Variants in ASXL3 observed in about 807,000 individuals in gnomAD.
The protein encoded by ASXL3 is putative Polycomb group protein ASXL3.
ASXL3 carries 34 observed loss-of-function variants against 170.6 expected under a neutral mutation model. The ratio of observed to expected loss-of-function variants is 0.20; its 90% CI spans 0.15 to 0.27. ASXL3 has a LOEUF of 0.27. Among genes scored for constraint, ASXL3 ranks in the 10% least tolerant of loss-of-function variants. ASXL3 has a pLI of 1.00. For synonymous variants in ASXL3, 1,002 were observed against 989.1 expected (o/e 1.01, Z -0.24); for missense variants, 2,592 against 2,695.3 (o/e 0.96, Z 0.85).
In ASXL3 at chr18:33,578,528, G is replaced by A; in HGVS notation, c.-104G>A. On this transcript the variant is annotated 5_prime_UTR_variant, in exon 1 of 12. Transcript: ENST00000269197. ...GCCCGCGCGCCTCCCCCCGCGGAGC[G>A]AGTGCGGGTCACCGGGTCACTGGGT... The A allele has an allele frequency of 3.3e-6, 2 of 609,068 alleles. No homozygotes were observed. The highest frequency in any genetic ancestry group is 4.4e-6 in the Non-Finnish European group (2 of 459,260). The allele number at this position is 609,068 out of a possible 1,614,324, so 37.7% of individuals were successfully genotyped here.
chr18:33,623,323 T>C (rs1391358143), intron 2 of ASXL3, among the ~76,000 whole-genome samples: 1 of 152,160 alleles, frequency 6.6e-6, no homozygotes, highest in African/African-American at 2.4e-5. Flanking sequence ...TGATCTTCTC[T>C]TCCCCATGGT....
At position 33,743,244 on chromosome 18, in the gene ASXL3, G is replaced by T. The variant is rs764233051; in HGVS notation, c.3396G>T (p.Pro1132=). 6.2e-7 allele frequency: 1 copy of T among 1,613,836 alleles called. No homozygotes were observed. Among genetic ancestry groups the T allele is most frequent in the Non-Finnish European group, 8.5e-7 (1 of 1,179,802 alleles). ...QTSKETRLPP[P]LSSKEGPPNL... ...CTAAAGAGACCCGGTTGCCTCCTCCGCTCAGCTCAAAGGAAGGGCCTCCAA... is the reference window on the plus strand; with the variant it reads ...CTAAAGAGACCCGGTTGCCTCCTCCTCTCAGCTCAAAGGAAGGGCCTCCAA... The change falls in exon 12 of 12, where the codon CCG becomes CCT. Residue 1132 remains proline (P), a synonymous_variant. Transcript: ENST00000269197.
chr18:33,678,834 A>G (rs1023185282), intron 7 of ASXL3, among the ~76,000 whole-genome samples: 5 of 152,190 alleles, frequency 3.3e-5, no homozygotes, highest in African/African-American at 1.2e-4. Flanking sequence ...ATGGAATTAA[A>G]CATCCTCTGT....
chr18:33,605,631 CAGGA>C (rs1470878530), intron 1 of ASXL3: 1 of 152,230 alleles, frequency 6.6e-6, no homozygotes, highest in African/African-American at 2.4e-5. Context: ...GGCCTGTACT[CAGGA>C]AGAGAAACAG....
At chr18:33,727,627 T>TA (rs1287946960) in intron 8 of ASXL3, among the ~76,000 whole-genome samples, 2 of 152,188 alleles carry the variant, frequency 1.3e-5, no homozygotes, top group African/African-American at 4.8e-5. Context: ...TATCAATAGT[T>TA]AGATACTTCA....
intron 5 of ASXL3, among the ~76,000 whole-genome samples, chr18:33,664,008 A>G (rs2066218359): frequency 6.6e-6 from 1 of 152,148 alleles, no homozygotes; most frequent in Non-Finnish European, 1.5e-5. Flanking sequence ...TACATGCACA[A>G]TCATAATCAT....
intron 6 of ASXL3, among the ~76,000 whole-genome samples, chr18:33,671,411 C>T (rs185181056): frequency 2.9e-4 from 44 of 152,184 alleles, no homozygotes; most frequent in East Asian, 2.5e-3. Context: ...TTCATCTTTC[C>T]GTGTCTGTCT....
intron 9 of ASXL3, among the ~76,000 whole-genome samples, chr18:33,733,833 C>T (rs1040157952): frequency 6.6e-6 from 1 of 152,126 alleles, no homozygotes; most frequent in Non-Finnish European, 1.5e-5. Flanking sequence ...CAAAATCTAA[C>T]TCAAGAATCA....
chr18:33,615,730 A>G (rs1342315988), intron 2 of ASXL3, among the ~76,000 whole-genome samples: 1 of 152,086 alleles, frequency 6.6e-6, no homozygotes, highest in Non-Finnish European at 1.5e-5. Flanking sequence ...ATGTTTGATG[A>G]TTGTTTGATT....
At chr18:33,643,365 A>G (rs2065874080) in intron 2 of ASXL3, among the ~76,000 whole-genome samples, 1 of 151,844 alleles carries the variant, frequency 6.6e-6, no homozygotes, top group Non-Finnish European at 1.5e-5. Context: ...AGAGAAAATA[A>G]TGAAATGAGG....
At chr18:33,619,137 G>A (rs1352490575) in intron 2 of ASXL3, among the ~76,000 whole-genome samples, 1 of 152,114 alleles carries the variant, frequency 6.6e-6, no homozygotes, top group East Asian at 1.9e-4. Flanking sequence ...AGGCAGATGA[G>A]GGTGAGTAAT....
At chr18:33,694,716 CTG>C (rs2066743742) in intron 8 of ASXL3, among the ~76,000 whole-genome samples, 1 of 152,198 alleles carries the variant, frequency 6.6e-6, no homozygotes, top group East Asian at 1.9e-4. Context: ...TAACTAGTCA[CTG>C]AAGAGTAGGT....
At chr18:33,722,665 G>T (rs192953054) in intron 8 of ASXL3, among the ~76,000 whole-genome samples, 34 of 152,276 alleles carry the variant, frequency 2.2e-4, no homozygotes, top group Admixed American at 2.2e-3. Flanking sequence ...GGCAGTGGCT[G>T]ATGTAGAAGC....
intron 11 of ASXL3, among the ~76,000 whole-genome samples, chr18:33,741,573 C>T (rs1355417384): frequency 5.9e-5 from 9 of 152,132 alleles, no homozygotes; most frequent in Non-Finnish European, 8.8e-5. Flanking sequence ...GAATCTTCTC[C>T]TCAAAACTAT....
At chr18:33,594,992 C>T (rs2065112698) in intron 1 of ASXL3, among the ~76,000 whole-genome samples, 1 of 152,142 alleles carries the variant, frequency 6.6e-6, no homozygotes, top group Non-Finnish European at 1.5e-5. Flanking sequence ...AATATTTATG[C>T]ATGACTCAAA....
chr18:33,594,898 G>C (rs573132863), intron 1 of ASXL3, among the ~76,000 whole-genome samples: 25 of 152,186 alleles, frequency 1.6e-4, no homozygotes, highest in African/African-American at 5.3e-4. Context: ...TCTTGATGCA[G>C]ATATTTTAAT....
At chr18:33,611,435 C>T (rs1362393779) in intron 2 of ASXL3, among the ~76,000 whole-genome samples, 1 of 151,918 alleles carries the variant, frequency 6.6e-6, no homozygotes. Context: ...TCATTTTCTT[C>T]TGGTCCCTCT....
intron 1 of ASXL3, among the ~76,000 whole-genome samples, chr18:33,588,478 T>C (rs1014258406): frequency 1.3e-5 from 2 of 151,870 alleles, no homozygotes; most frequent in African/African-American, 4.8e-5. Context: ...GACAAGGTCA[T>C]GCTTCAAGAA....
intron 7 of ASXL3, among the ~76,000 whole-genome samples, chr18:33,677,678 CTGTT>C (rs2066449948): frequency 1.3e-5 from 2 of 152,134 alleles, no homozygotes; most frequent in Admixed American, 6.5e-5. Flanking sequence ...CATTCATGTT[CTGTT>C]TGTTTAACCA....
Sources: gnomAD v4.1 joint callset for allele counts (sites outside exome capture counted in the v4.1 genomes callset) on GRCh38, gnomAD v4.1.1 for gene constraint, MANE v1.5 for transcripts, NCBI Gene and HGNC (gene_info 2026-07-23, HGNC 2026-07-21) for gene names.